Variants in ERCC2 observed in about 807,000 individuals in gnomAD.
The protein encoded by ERCC2 is ERCC excision repair 2, TFIIH core complex helicase subunit.
A neutral mutation model predicts 99.4 loss-of-function variants in ERCC2; 90 were observed. The observed-to-expected ratio is 0.91, with a 90% CI of 0.76 to 1.08. ERCC2 has a LOEUF of 1.08. ERCC2 is among the 50% of genes least tolerant of loss of function. The pLI is 0.00. For synonymous variants in ERCC2, 497 were observed against 432.4 expected, an observed-to-expected ratio of 1.15 and a Z score of -1.85; for missense variants, 993 against 1,038.1, an observed-to-expected ratio of 0.96 and a Z score of 0.60.
chr19:45,364,970 C>T lies in ERCC2; in HGVS notation c.478-16G>A. On this transcript the variant is annotated splice_polypyrimidine_tract_variant and intron_variant, in intron 6 of 22. Coordinates refer to ENST00000391945, the MANE Select transcript of ERCC2 (RefSeq NM_000400.4). ...CATCAAATTCCTGGGACAAGAGTGC[C>T]AGGGGTCAGGGAGGCTGCCTGCCCC... 6.2e-7 allele frequency: 1 copy of T among 1,612,334 alleles called. No homozygotes were observed. Among genetic ancestry groups the T allele is most frequent in the Non-Finnish European group, 8.5e-7 (1 of 1,178,482 alleles).
intron 11 of ERCC2, among the ~76,000 whole-genome samples, chr19:45,362,653 C>T (rs1250216007): frequency 1.3e-5 from 2 of 152,274 alleles, no homozygotes; most frequent in African/African-American, 4.8e-5. Flanking sequence ...GTCCCCTCCA[C>T]TGGGCCATGG....
At position 45,350,300 on chromosome 19, in the gene ERCC2, A is replaced by ACTGGGGTCCGAAAAGTTCC. The variant is rs1568526856; in HGVS notation, c.*1310_*1328dup. The ACTGGGGTCCGAAAAGTTCC allele has an allele frequency of 6.6e-7, 1 of 1,516,742 alleles. No individual in the cohort carries two copies. Among genetic ancestry groups the ACTGGGGTCCGAAAAGTTCC allele is most frequent in the South Asian group, 1.1e-5 (1 of 89,022 alleles). 94.0% of individuals were successfully genotyped at this position (1,516,742 alleles called of 1,614,324 possible). On this transcript the variant is annotated 3_prime_UTR_variant, in exon 23 of 23. Transcript: ENST00000391945. ...GGCGGGACTGGATGCAGTGTTGGGA[A>ACTGGGGTCCGAAAAGTTCC]CTGGGGTCCGAAAAGTTCCCAGACA...
chr19:45,349,860 G>C lies in ERCC2; in HGVS notation c.*1769C>G. On this transcript the variant is annotated 3_prime_UTR_variant, in exon 23 of 23. Coordinates refer to ENST00000391945, the MANE Select transcript of ERCC2 (RefSeq NM_000400.4). ...GGTGGCAGCAGCAGACATTTATTGA[G>C]CTCACTGTGGCCGGCTCCCCTCTTA... is the stretch of plus-strand genomic sequence containing the variant. The C allele has an allele frequency of 2.0e-6, 1 of 505,454 alleles. No homozygotes were observed. The highest frequency in any genetic ancestry group is 3.5e-6 in the Non-Finnish European group (1 of 285,014). 31.3% of individuals were successfully genotyped at this position (505,454 alleles called of 1,614,324 possible).
In ERCC2 at chr19:45,352,230, C is replaced by A; in HGVS notation, c.2169G>T (p.Gln723His). 6.2e-7 allele frequency: 1 copy of A among 1,614,038 alleles called. No individual in the cohort carries two copies. The highest frequency in any genetic ancestry group is 8.5e-7 in the Non-Finnish European group (1 of 1,180,002). ...GVQVAKYFLR[Q>H]MAQPFHREDQ... ...TCACCCGGTGGAAGGGCTGTGCCAT[C>A]TGCCGCAGGAAGTACTTGGCCACCT... Residue 723 changes from glutamine (Q) to histidine (H), a missense_variant, in exon 22 of 23, where the codon CAG becomes CAT. Physicochemically the swap from Gln to His is conservative, Grantham distance 24. Around this residue, in one of 3 missense-constraint regions of ERCC2, gnomAD observed 909 missense variants for 930.8 expected, o/e 0.98. Coordinates refer to ENST00000391945, the MANE Select transcript of ERCC2 (RefSeq NM_000400.4).
At chr19:45,370,410 G>A in intron 1 of ERCC2, 126 bp downstream of exon 1, 14 of 1,503,994 alleles carry the variant, frequency 9.3e-6, no homozygotes, top group Non-Finnish European at 1.2e-5. Flanking sequence ...GCTCCCTGCG[G>A]CTGCCCCCGT....
rs564724664 is a variant in ERCC2 at position 45,358,845 on chromosome 19, A to C, written c.1238-1146T>G. 5.9e-5 allele frequency: 46 copies of C among 780,840 alleles called. No individual in the cohort carries two copies. In the African/African-American group the frequency reaches 7.4e-4, roughly 13 times the overall value. 48.4% of individuals were successfully genotyped at this position (780,840 alleles called of 1,614,324 possible). A position where few individuals can be genotyped will look rare whatever the true frequency, so the allele number is the denominator to read the frequency against. ...TGCTACTGGTTTTCCCATCTGGAATATAAGTTCTGGGGGGTTAGGGATGAG... is the reference window on the plus strand; with the variant it reads ...TGCTACTGGTTTTCCCATCTGGAATCTAAGTTCTGGGGGGTTAGGGATGAG... On this transcript the variant is annotated intron_variant, in intron 12 of 22. Coordinates refer to ENST00000391945, the MANE Select transcript of ERCC2 (RefSeq NM_000400.4).
In ERCC2 at chr19:45,365,135, C is replaced by CT. The variant is rs764727568; in HGVS notation, c.383dup (p.Asp129GlyfsTer21). 6.2e-7 allele frequency: 1 copy of CT among 1,614,166 alleles called. No individual in the cohort carries two copies. The highest frequency in any genetic ancestry group is 8.5e-7 in the Non-Finnish European group (1 of 1,180,008). ...GGCTGTGGCATTTCCCATCGACGTC[C>CT]TTCCCAAAGCGCAGGGGTGTCACCT... is the stretch of plus-strand genomic sequence containing the variant. On this transcript the variant is annotated frameshift_variant, in exon 6 of 23. Transcript: ENST00000391945. LOFTEE classifies it high-confidence loss of function.
At chr19:45,352,906 A>T in intron 19 of ERCC2, 90 bp from the exon 20 acceptor site, 1 of 1,317,612 alleles carries the variant, frequency 7.6e-7, no homozygotes, top group Non-Finnish European at 1.1e-6. Context: ...GCTGTGTCTG[A>T]GTTGGGGGGA....
chr19:45,366,984 G>A (rs3916807), intron 5 of ERCC2, among the ~76,000 whole-genome samples: 120 of 152,108 alleles, frequency 7.9e-4, no homozygotes, highest in Non-Finnish European at 1.4e-3. Context: ...GTGGTGAACC[G>A]AGATCACGCC....
At chr19:45,352,120 T>G (rs2123220803) in intron 22 of ERCC2, 89 bp downstream of exon 22, 1 of 1,430,352 alleles carries the variant, frequency 7.0e-7, no homozygotes. Context: ...ACAGGCAGGC[T>G]GAGGGTGGGG....
Position 45,350,334 on chromosome 19 carries a change from TCC to T in ERCC2, c.*1293_*1294del. 6.2e-7 allele frequency: 1 copy of T among 1,611,194 alleles called. No individual in the cohort carries two copies. Among genetic ancestry groups the T allele is most frequent in the Non-Finnish European group, 8.5e-7 (1 of 1,179,272 alleles). On this transcript the variant is annotated 3_prime_UTR_variant, in exon 23 of 23. Transcript: ENST00000391945. ...CGAAAAGTTCCCAGACACTCCCTTCTCCGCAGGCCTCAGCCTACCTGAAACAG... is the reference window on the plus strand; with the variant it reads ...CGAAAAGTTCCCAGACACTCCCTTCTGCAGGCCTCAGCCTACCTGAAACAG...
intron 12 of ERCC2, chr19:45,359,008 G>C: frequency 1.5e-6 from 1 of 648,758 alleles, no homozygotes; most frequent in Non-Finnish European, 2.8e-6. Flanking sequence ...ACACAGTGGT[G>C]ACCAAGCCAG....
rs764502577 is a variant in ERCC2, at chr19:45,363,827, C to T, written c.1034G>A (p.Arg345His). 5.8e-6 allele frequency: 9 copies of T among 1,540,936 alleles called. No homozygotes were observed. The East Asian group carries it at 1.9e-4, about 33-fold the overall frequency. Reference sequence around the variant, plus strand: ...GCTCTCCTGCACCACATGCTGCACACGCAGCCGCCACTTCACGTACTCCAG... The same window carrying T: ...GCTCTCCTGCACCACATGCTGCACATGCAGCCGCCACTTCACGTACTCCAG... The part of the protein sequence containing the change: ...RLLEYVKWRL[R>H]VQHVVQESPP... The change falls in exon 11 of 23, where the codon CGT becomes CAT. Residue 345 changes from arginine to histidine, a missense_variant. By Grantham distance (29) the Arg-to-His change is conservative. Transcript: ENST00000391945.
chr19:45,361,576 G>T lies in ERCC2; in HGVS notation c.1185C>A (p.Ser395=). 6.2e-7 allele frequency: 1 copy of T among 1,614,058 alleles called. No individual in the cohort carries two copies. Among genetic ancestry groups the T allele is most frequent in the East Asian group, 2.2e-5 (1 of 44,884 alleles). Residue 395 remains serine (S), a synonymous_variant, in exon 12 of 23, where the codon TCC becomes TCA. Transcript: ENST00000391945. The part of the protein sequence containing the change: ...TLEITDLADF[S]PLTLLANFAT... ...CAAAGTTAGCAAGGAGGGTGAGCGG[G>T]GAGAAGTCAGCAAGGTCGGTGATCT...
At chr19:45,368,503 G>A (rs977040770) in intron 5 of ERCC2, 127 bp downstream of exon 5, 1 of 729,660 alleles carries the variant, frequency 1.4e-6, no homozygotes, top group East Asian at 2.7e-5. Context: ...CACTGAGACG[G>A]GAATTCTGTG....
At position 45,351,196 on chromosome 19, in the gene ERCC2, GT is replaced by G; in HGVS notation, c.*432del. The G allele has an allele frequency of 6.3e-7, 1 of 1,585,776 alleles. No individual in the cohort carries two copies. Among genetic ancestry groups the G allele is most frequent in the Non-Finnish European group, 8.6e-7 (1 of 1,165,334 alleles). ...GGGGTAGAGGCGAGGGGGTTGGATAGTTGGCTGCCAGGCTGGACCTGGAGCT... is the reference window on the plus strand; with the variant it reads ...GGGGTAGAGGCGAGGGGGTTGGATAGTGGCTGCCAGGCTGGACCTGGAGCT... On this transcript the variant is annotated 3_prime_UTR_variant, in exon 23 of 23. Transcript: ENST00000391945.
Position 45,365,058 on chromosome 19 carries a change from TG to T in ERCC2, c.460del (p.His154ThrfsTer27). The T allele has an allele frequency of 1.2e-6, 2 of 1,613,878 alleles. No individual in the cohort carries two copies. Among genetic ancestry groups the T allele is most frequent in the Non-Finnish European group, 1.7e-6 (2 of 1,179,776 alleles). On this transcript the variant is annotated frameshift_variant, in exon 6 of 23. Coordinates refer to ENST00000391945, the MANE Select transcript of ERCC2 (RefSeq NM_000400.4). LOFTEE classifies it high-confidence loss of function. ...AQYQHDTSLP[H>X]CRFYEEFDAH... ...TCCAGTAACCTCATAGAATCGGCAG[TG>T]GGGCAGGCTGGTGTCATGCTGGTAC...
At position 45,349,935 on chromosome 19, in the gene ERCC2, CTGTCGCTCCACTTTGCGTGTGGGAAG is replaced by C. The variant is rs1971637028; in HGVS notation, c.*1668_*1693del. 1 of 418,862 alleles carries C rather than the reference CTGTCGCTCCACTTTGCGTGTGGGAAG, an allele frequency of 2.4e-6. No homozygotes were observed. Among genetic ancestry groups the C allele is most frequent in the Non-Finnish European group, 4.3e-6 (1 of 232,860 alleles). 25.9% of individuals were successfully genotyped at this position (418,862 alleles called of 1,614,324 possible). A position where few individuals can be genotyped will look rare whatever the true frequency, so the allele number is the denominator to read the frequency against. ...TTATAGCGTCCCTATGAGGTGGGAG[CTGTCGCTCCACTTTGCGTGTGGGAAG>C]ACTGAGGCACCGAGGCCATGCCACC... On this transcript the variant is annotated 3_prime_UTR_variant, in exon 23 of 23. Transcript: ENST00000391945.
At chr19:45,355,591 G>T in intron 16 of ERCC2, 74 bp downstream of exon 16, 1 of 1,285,400 alleles carries the variant, frequency 7.8e-7, no homozygotes, top group Non-Finnish European at 1.1e-6. Flanking sequence ...TGTTACAGCA[G>T]CATGACTCAG....
Sources: allele counts gnomAD v4.1 joint callset (sites outside exome capture counted in the v4.1 genomes callset), GRCh38; gene constraint gnomAD v4.1.1; regional missense constraint gnomAD v4.1.1; transcripts MANE v1.5; gene names NCBI Gene and HGNC (gene_info 2026-07-23, HGNC 2026-07-21).